CSMD3: variants seen among roughly 807,000 people sequenced by gnomAD.
CSMD3 encodes the protein CUB and sushi domain-containing protein 3.
Under a neutral mutation model 435.2 loss-of-function variants are expected in CSMD3, and 177 were observed. That is an observed-to-expected ratio of 0.41 (90% CI 0.36 to 0.46). The LOEUF is 0.46. Ranked by LOEUF, CSMD3 falls within the 20% of genes least tolerant of loss-of-function variation. CSMD3 has a pLI of 0.34. For synonymous variants in CSMD3, 1,656 were observed against 1,520.5 expected (o/e 1.09, Z -2.07); for missense variants, 4,265 against 4,504.6 (o/e 0.95, Z 1.52).
At chr8:112,397,757 T>C (rs750196295) in intron 35 of CSMD3, among the ~76,000 whole-genome samples, 1 of 152,200 alleles carries the variant, frequency 6.6e-6, no homozygotes, top group Non-Finnish European at 1.5e-5. Context: ...TATCATCTTA[T>C]GGGTTAGGAT....
chr8:113,190,032 ATT>A (rs372071593), intron 3 of CSMD3, among the ~76,000 whole-genome samples: 15 of 151,120 alleles, frequency 9.9e-5, no homozygotes, highest in African/African-American at 3.6e-4. Flanking sequence ...TAAATTTATA[ATT>A]TTTTTTTATT....
intron 1 of CSMD3, among the ~76,000 whole-genome samples, chr8:113,424,213 T>G (rs572350805): frequency 6.6e-6 from 1 of 151,812 alleles, no homozygotes; most frequent in East Asian, 1.9e-4. Flanking sequence ...TTTCCAAACT[T>G]TGTAAGGATA....
At chr8:112,866,041 C>T (rs1317511500) in intron 10 of CSMD3, among the ~76,000 whole-genome samples, 2 of 152,110 alleles carry the variant, frequency 1.3e-5, no homozygotes, top group Non-Finnish European at 2.9e-5. Context: ...TGAACAAGCA[C>T]GTCCTACTGC....
chr8:113,158,312 TATGA>T (rs2091972297), intron 4 of CSMD3, among the ~76,000 whole-genome samples: 1 of 151,846 alleles, frequency 6.6e-6, no homozygotes, highest in Admixed American at 6.6e-5. Flanking sequence ...GAGACAGAAA[TATGA>T]ACCACATATA....
Position 112,550,885 on chromosome 8 carries a change from C to T in CSMD3, c.4362-12G>A, listed in dbSNP as rs370017005. The T allele has an allele frequency of 3.2e-6, 5 of 1,576,412 alleles. No individual in the cohort carries two copies. In the African/African-American group the frequency reaches 4.1e-5, roughly 13 times the overall value. ...CAAGAAACTGCAAGCTGTGGGAGAA[C>T]CATATTTCTCTGATTATTTTAAACA... On this transcript the variant is annotated splice_polypyrimidine_tract_variant and intron_variant, in intron 26 of 70. Transcript: ENST00000297405.
intron 13 of CSMD3, among the ~76,000 whole-genome samples, chr8:112,755,395 G>T (rs4352878): frequency 0.22 from 33,069 of 150,068 alleles, 4,194 homozygotes; most frequent in East Asian, 0.41. Context: ...CCTCCATGCC[G>T]TTCTCATGAT....
chr8:112,689,810 AT>A, intron 14 of CSMD3, 57 bp downstream of exon 14: 1 of 1,467,850 alleles, frequency 6.8e-7, no homozygotes, highest in Non-Finnish European at 9.5e-7. Context: ...TACAAAAGCA[AT>A]TATATGCAAG....
At chr8:113,342,201 C>G (rs186451180) in intron 1 of CSMD3, among the ~76,000 whole-genome samples, 42 of 152,142 alleles carry the variant, frequency 2.8e-4, no homozygotes, top group African/African-American at 9.9e-4. Flanking sequence ...ATCAATCAGA[C>G]AAATGAAACT....
chr8:112,299,168 C>G (rs968034391), intron 53 of CSMD3, among the ~76,000 whole-genome samples: 1 of 151,864 alleles, frequency 6.6e-6, no homozygotes, highest in Non-Finnish European at 1.5e-5. Flanking sequence ...GTGAAAATAT[C>G]GAAATAGTTA....
intron 11 of CSMD3, among the ~76,000 whole-genome samples, chr8:112,848,856 G>T (rs1472201155): frequency 1.3e-5 from 2 of 151,974 alleles, no homozygotes; most frequent in Non-Finnish European, 2.9e-5. Context: ...GCTCCAGAGT[G>T]AATTTTTAAA....
At chr8:112,412,802 G>T (rs549814912) in intron 32 of CSMD3, among the ~76,000 whole-genome samples, 1 of 152,076 alleles carries the variant, frequency 6.6e-6, no homozygotes, top group Non-Finnish European at 1.5e-5. Flanking sequence ...AAATGCTAGG[G>T]TTAAGAAAGT....
At chr8:112,638,343 A>G (rs2131586998) in intron 21 of CSMD3, among the ~76,000 whole-genome samples, 1 of 151,134 alleles carries the variant, frequency 6.6e-6, no homozygotes, top group African/African-American at 2.4e-5. Context: ...GTTTAACTGA[A>G]ACTTTAAAAT....
chr8:112,587,379 A>T lies in CSMD3; in HGVS notation c.3716-144T>A, dbSNP rs78709346. 3.9e-3 allele frequency: 2,476 copies of T among 634,482 alleles called. 49 individuals are homozygous for T. The African/African-American group carries it at 0.041, about 11-fold the overall frequency. 39.3% of individuals were successfully genotyped at this position (634,482 alleles called of 1,614,324 possible). ...TATACAGAATGGCTTTATGTTGTAAATGATTAATTCCCTCCTCAAATAACA... is the reference window on the plus strand; with the variant it reads ...TATACAGAATGGCTTTATGTTGTAATTGATTAATTCCCTCCTCAAATAACA... On this transcript the variant is annotated intron_variant, in intron 22 of 70. Coordinates refer to ENST00000297405, the MANE Select transcript of CSMD3 (RefSeq NM_198123.2).
chr8:113,139,505 T>C (rs2091496926), intron 4 of CSMD3, among the ~76,000 whole-genome samples: 2 of 151,086 alleles, frequency 1.3e-5, no homozygotes, highest in South Asian at 2.1e-4. Flanking sequence ...TATGTTTTTA[T>C]ATATGTAAAT....
intron 11 of CSMD3, among the ~76,000 whole-genome samples, chr8:112,854,391 G>T (rs10104644): frequency 0.061 from 9,301 of 152,122 alleles, 965 homozygotes; most frequent in African/African-American, 0.21. Context: ...AATTTGTGGG[G>T]AGAGGGCAAG....
Position 112,237,364 on chromosome 8 carries a change from A to T in CSMD3, c.10469-16T>A, listed in dbSNP as rs796451064. On this transcript the variant is annotated splice_polypyrimidine_tract_variant and intron_variant, in intron 66 of 70. Coordinates refer to ENST00000297405, the MANE Select transcript of CSMD3 (RefSeq NM_198123.2). The stretch of plus-strand genomic sequence containing the variant: ...TCATCAGGAACTGTGAATAGATTAA[A>T]TATACCACACATTAATTTTACAATG... The T allele has an allele frequency of 6.4e-7, 1 of 1,556,168 alleles. No homozygotes were observed. Among genetic ancestry groups the T allele is most frequent in the Non-Finnish European group, 8.9e-7 (1 of 1,127,690 alleles).
intron 22 of CSMD3, among the ~76,000 whole-genome samples, chr8:112,623,343 T>C (rs1312296610): frequency 6.6e-6 from 1 of 152,098 alleles, no homozygotes; most frequent in Non-Finnish European, 1.5e-5. Flanking sequence ...CAAGCACATT[T>C]TCACAAATAT....
intron 3 of CSMD3, among the ~76,000 whole-genome samples, chr8:113,216,392 A>C (rs1362427990): frequency 2.6e-5 from 4 of 152,020 alleles, no homozygotes; most frequent in Admixed American, 6.6e-5. Flanking sequence ...GTTCCATTCT[A>C]TACCATTGAT....
intron 11 of CSMD3, among the ~76,000 whole-genome samples, chr8:112,847,639 T>C (rs2080362138): frequency 6.6e-6 from 1 of 152,156 alleles, no homozygotes; most frequent in African/African-American, 2.4e-5. Flanking sequence ...TGCAGAAAAG[T>C]GACTCTCTAT....
Sources: allele counts gnomAD v4.1 joint callset (sites outside exome capture counted in the v4.1 genomes callset), GRCh38; gene constraint gnomAD v4.1.1; transcripts MANE v1.5; gene names NCBI Gene and HGNC (gene_info 2026-07-23, HGNC 2026-07-21).